ADCY7: variants seen among roughly 807,000 people sequenced by gnomAD.
ADCY7 encodes the protein adenylate cyclase 7, also known as adenylate cyclase type 7.
A neutral mutation model predicts 120.6 loss-of-function variants in ADCY7; 72 were observed. The ratio of observed to expected loss-of-function variants is 0.60; its 90% confidence interval spans 0.49 to 0.73. The LOEUF (loss-of-function observed/expected upper bound fraction) is 0.73. Among genes scored for constraint, ADCY7 ranks in the 30% least tolerant of loss-of-function variants. The pLI is 0.00. For synonymous variants in ADCY7, 661 were observed against 628.0 expected, an observed-to-expected ratio of 1.05 and a Z score of -0.78; for missense variants, 1,227 against 1,486.0, an observed-to-expected ratio of 0.83 and a Z score of 2.87.
At chr16:50,311,135 T>C (rs1305101550) in intron 19 of ADCY7, among the ~76,000 whole-genome samples, 1 of 152,166 alleles carries the variant, frequency 6.6e-6, no homozygotes, top group African/African-American at 2.4e-5. Flanking sequence ...GCTGCAGCTC[T>C]AGCTCTGTGC....
rs147841779 is a variant in ADCY7 at position 50,271,758 on chromosome 16, G to T, written c.-269+5078G>T. ...GCCTGGGGTGTTCTCCCCAACTGCTGCTTGGCTGTGTCCTCCAGGTGAGGG... is the reference window on the plus strand; with the variant it reads ...GCCTGGGGTGTTCTCCCCAACTGCTTCTTGGCTGTGTCCTCCAGGTGAGGG... On this transcript the variant is annotated intron_variant, in intron 1 of 25. Coordinates refer to ENST00000673801, the MANE Select transcript of ADCY7 (RefSeq NM_001114.5). 3.1e-3 allele frequency among the ~76,000 whole-genome samples: 479 copies of T among 152,268 alleles called. 1 individual carries two copies. Among genetic ancestry groups the T allele is most frequent in the African/African-American group, 0.011 (454 of 41,538 alleles).
intron 3 of ADCY7, 141 bp downstream of exon 3, chr16:50,290,801 G>A: frequency 1.1e-6 from 1 of 897,392 alleles, no homozygotes; most frequent in Non-Finnish European, 1.7e-6. Context: ...GTCCCTGTGA[G>A]TTCTCTGCAT....
chr16:50,298,340 T>C lies in ADCY7; in HGVS notation c.949-564T>C, dbSNP rs144224464. ...AGTACTCTTCCTGCAGAGACTGGCATGGCCGGCTCTCTCGGTTCCTCGGGG... is the reference window on the plus strand; with the variant it reads ...AGTACTCTTCCTGCAGAGACTGGCACGGCCGGCTCTCTCGGTTCCTCGGGG... On this transcript the variant is annotated intron_variant, in intron 7 of 25. Coordinates refer to ENST00000673801, the MANE Select transcript of ADCY7 (RefSeq NM_001114.5). 1.0e-3 allele frequency among the ~76,000 whole-genome samples: 152 copies of C among 152,268 alleles called. 1 individual carries two copies. The highest frequency in any genetic ancestry group is 3.5e-3 in the African/African-American group (145 of 41,536).
At chr16:50,263,738 C>T (rs1416906973), upstream of ADCY7, among the ~76,000 whole-genome samples, 1 of 151,860 alleles carries the variant, frequency 6.6e-6, no homozygotes, top group African/African-American at 2.4e-5. Flanking sequence ...CAGGGTGGGT[C>T]GCTCCCCACC....
chr16:50,245,677 TC>T (rs551365886), upstream of ADCY7, among the ~76,000 whole-genome samples: 1 of 151,502 alleles, frequency 6.6e-6, no homozygotes, highest in African/African-American at 2.4e-5. Flanking sequence ...GGACCAAAGC[TC>T]CCCCGGCTTG....
At position 50,276,470 on chromosome 16, in the gene ADCY7, G is replaced by A. The variant is rs139024478; in HGVS notation, c.-269+9790G>A. On this transcript the variant is annotated intron_variant, in intron 1 of 25. Coordinates refer to ENST00000673801, the MANE Select transcript of ADCY7 (RefSeq NM_001114.5). Reference sequence around the variant, plus strand: ...CCAGGGGTGGCTCAGTACACTGCTTGCATCACCCCCAACTGAATCCTTTCA... The same window carrying A: ...CCAGGGGTGGCTCAGTACACTGCTTACATCACCCCCAACTGAATCCTTTCA... Among the ~76,000 whole-genome samples, 154 of 152,360 alleles carry A rather than the reference G, an allele frequency of 1.0e-3. No homozygotes were observed. The East Asian group carries it at 0.018, about 18-fold the overall frequency.
intron 21 of ADCY7, 100 bp from the exon 22 acceptor site, chr16:50,312,790 G>A (rs1596995486): frequency 1.6e-6 from 2 of 1,214,012 alleles, no homozygotes; most frequent in East Asian, 5.6e-5. Flanking sequence ...CGAAAGCTGG[G>A]CTGGGCAGTT....
intron 1 of ADCY7, among the ~76,000 whole-genome samples, chr16:50,267,589 G>A (rs1365459836): frequency 6.6e-6 from 1 of 152,180 alleles, no homozygotes; most frequent in Non-Finnish European, 1.5e-5. Flanking sequence ...TCTTGCAGAT[G>A]GAGGCTGTGA....
chr16:50,295,795 T>C (rs973422519), intron 7 of ADCY7, among the ~76,000 whole-genome samples: 1 of 152,046 alleles, frequency 6.6e-6, no homozygotes, highest in African/African-American at 2.4e-5. Flanking sequence ...AGAGGGTAAG[T>C]GCCAGGCCCT....
At chr16:50,293,556 A>C in intron 6 of ADCY7, 54 bp downstream of exon 6, 1 of 1,583,826 alleles carries the variant, frequency 6.3e-7, no homozygotes, top group Non-Finnish European at 8.6e-7. Context: ...CCACCGTTCC[A>C]CCGGCCCCCA....
chr16:50,287,417 G>A (rs1194321112), intron 1 of ADCY7, among the ~76,000 whole-genome samples: 3 of 151,488 alleles, frequency 2.0e-5, no homozygotes, highest in Non-Finnish European at 4.4e-5. Context: ...GCTGGGCATG[G>A]TGGCTCATGC....
chr16:50,290,393 T>G, intron 2 of ADCY7, 64 bp from the exon 3 acceptor site: 1 of 1,586,578 alleles, frequency 6.3e-7, no homozygotes, highest in Non-Finnish European at 8.6e-7. Context: ...CCGGCAGGCT[T>G]TCTGGAGGAG....
intron 1 of ADCY7, among the ~76,000 whole-genome samples, chr16:50,255,623 TCACTGGGACAACAGGTG>T (rs1247098577): frequency 6.6e-6 from 1 of 152,148 alleles, no homozygotes; most frequent in Non-Finnish European, 1.5e-5. Flanking sequence ...GCCTCCTGAG[TCACTGGGACAACAGGTG>T]CATGCCACCT....
intron 1 of ADCY7, among the ~76,000 whole-genome samples, chr16:50,255,321 T>G (rs2032879767): frequency 6.8e-6 from 1 of 147,466 alleles, no homozygotes; most frequent in African/African-American, 2.5e-5. Flanking sequence ...TATAATTTCT[T>G]TTTTATAGAG....
rs1461459383 is a variant in ADCY7 at position 50,270,756 on chromosome 16, A to T, written c.-269+4076A>T. On this transcript the variant is annotated intron_variant, in intron 1 of 25. Transcript: ENST00000673801. ...TCTGTTCCTCAGTTTCCTTATCTGT[A>T]AAATGGGGCTGATGGCAGTGCTCAG... Among the ~76,000 whole-genome samples the T allele has an allele frequency of 2.0e-5, 3 of 152,216 alleles. No individual in the cohort carries two copies. The South Asian group carries it at 6.2e-4, about 31-fold the overall frequency.
intron 1 of ADCY7, 67 bp from the exon 2 acceptor site, chr16:50,287,845 T>C: frequency 3.4e-6 from 1 of 297,302 alleles, no homozygotes; most frequent in Non-Finnish European, 6.2e-6. Flanking sequence ...GGCCCCGCTC[T>C]CCCTGATGCT....
At position 50,316,469 on chromosome 16, in the gene ADCY7, G is replaced by A. The variant is rs2036804782; in HGVS notation, c.*964G>A. ...GTATCTTACTTTTCTTACCAGAAAG[G>A]AATGGAGTCTGTTTAGAGACAACTT... On this transcript the variant is annotated 3_prime_UTR_variant, in exon 26 of 26. Coordinates refer to ENST00000673801, the MANE Select transcript of ADCY7 (RefSeq NM_001114.5). 1 of 152,344 alleles carries A rather than the reference G, an allele frequency of 6.6e-6. No individual in the cohort carries two copies. The highest frequency in any genetic ancestry group is 2.4e-5 in the African/African-American group (1 of 41,442). 9.4% of individuals were successfully genotyped at this position (152,344 alleles called of 1,614,324 possible).
chr16:50,292,604 G>A (rs751382808), intron 4 of ADCY7, 72 bp from the exon 5 acceptor site: 14 of 1,563,626 alleles, frequency 9.0e-6, no homozygotes, highest in East Asian at 2.2e-5. Flanking sequence ...TCACTAGTCC[G>A]CCTAGGGGTC....
intron 23 of ADCY7, 92 bp downstream of exon 23, chr16:50,314,154 TG>T: frequency 7.0e-7 from 1 of 1,433,484 alleles, no homozygotes; most frequent in Non-Finnish European, 9.7e-7. Context: ...TATCTCGTCC[TG>T]GGGGAGGGGC....
Sources: gnomAD v4.1 joint callset for allele counts (sites outside exome capture counted in the v4.1 genomes callset) on GRCh38, gnomAD v4.1.1 for gene constraint, MANE v1.5 for transcripts, NCBI Gene and HGNC (gene_info 2026-07-23, HGNC 2026-07-21) for gene names.